CYB5R1: variants seen among roughly 807,000 people sequenced by gnomAD.
CYB5R1 encodes the protein NADH-cytochrome b5 reductase 1.
CYB5R1 carries 32 observed loss-of-function variants against 37.4 expected under a neutral mutation model. That is an observed-to-expected ratio of 0.86 (90% CI 0.65 to 1.15). The LOEUF (loss-of-function observed/expected upper bound fraction) is 1.15. Among genes scored for constraint, CYB5R1 ranks in the 50% most tolerant of loss-of-function variants. The pLI, the probability that CYB5R1 is intolerant of heterozygous loss-of-function variation, is 0.00. For missense variants in CYB5R1, 345 were observed against 382.5 expected, an observed-to-expected ratio of 0.90 and a Z score of 0.82; for synonymous variants, 159 against 155.2, an observed-to-expected ratio of 1.02 and a Z score of -0.18.
At position 202,962,024 on chromosome 1, in the gene CYB5R1, C is replaced by G. The variant is rs1315957716; in HGVS notation, c.*503G>C. The G allele has an allele frequency of 6.6e-6, 1 of 152,398 alleles. No homozygotes were observed. The highest frequency in any genetic ancestry group is 2.4e-5 in the African/African-American group (1 of 41,466). The allele number at this position is 152,398 out of a possible 1,614,324, so 9.4% of individuals were successfully genotyped here. A position where few individuals can be genotyped will look rare whatever the true frequency, so the allele number is the denominator to read the frequency against. ...CACAGAAATATGATATTTCAGACTC[C>G]TTTGAGATCTGAAGAAATCATTTCC... On this transcript the variant is annotated 3_prime_UTR_variant, in exon 9 of 9. Transcript: ENST00000367249.
At chr1:202,966,420 A>C in intron 3 of CYB5R1, 108 bp downstream of exon 3, 2 of 1,261,156 alleles carry the variant, frequency 1.6e-6, no homozygotes, top group Non-Finnish European at 2.3e-6. Context: ...GGGAAGGGGA[A>C]TGGTGTGTGG....
In CYB5R1 at chr1:202,966,905, G is replaced by T; in HGVS notation, c.16-7C>A. ...AGGCCAGCAGGACGGGGCTCTGTGG[G>T]TAGAGGAGGCAGCGTGACCGCCAGG... On this transcript the variant is annotated splice_polypyrimidine_tract_variant and splice_region_variant and intron_variant, in intron 1 of 8. Coordinates refer to ENST00000367249, the MANE Select transcript of CYB5R1 (RefSeq NM_016243.3). 6.2e-7 allele frequency: 1 copy of T among 1,601,228 alleles called. No homozygotes were observed. The highest frequency in any genetic ancestry group is 1.1e-5 in the South Asian group (1 of 89,976).
rs768976568 is a variant in CYB5R1, at chr1:202,965,407, G to A, written c.439C>T (p.Arg147Trp). Residue 147 changes from arginine to tryptophan, a missense_variant, in exon 5 of 9, where the codon CGG becomes TGG. Transcript: ENST00000367249. ...TAAGTGAGCAACCCGCTTGGCCCCC[G>A]AAACTCCACCACATCCCCAACCTTC... ...SLKVGDVVEFRGPSGLLTYTG... is the reference protein window; with the variant it reads ...SLKVGDVVEFWGPSGLLTYTG... The A allele has an allele frequency of 4.8e-5, 77 of 1,603,192 alleles. No individual in the cohort carries two copies. The highest frequency in any genetic ancestry group is 3.0e-4 in the South Asian group (27 of 89,840).
At chr1:202,965,618 C>G (rs1558020840) in intron 4 of CYB5R1, 118 bp from the exon 5 acceptor site, 3 of 1,040,386 alleles carry the variant, frequency 2.9e-6, no homozygotes, top group Non-Finnish European at 4.1e-6. Flanking sequence ...TTTTCCCCGT[C>G]TACATACTTT....
At chr1:202,963,419 A>T in intron 7 of CYB5R1, 1 of 593,906 alleles carries the variant, frequency 1.7e-6, no homozygotes, top group Non-Finnish European at 3.0e-6. Flanking sequence ...TCCAGACTAG[A>T]TACCTTAAAA....
chr1:202,967,144 A>C (rs772167743), intron 1 of CYB5R1, 47 bp downstream of exon 1: 1 of 1,600,460 alleles, frequency 6.2e-7, no homozygotes, highest in Non-Finnish European at 8.5e-7. Context: ...GGCCAGAACC[A>C]GATGGGGAGG....
intron 6 of CYB5R1, chr1:202,964,385 AG>A (rs2102503503): frequency 1.8e-6 from 1 of 565,520 alleles, no homozygotes; most frequent in East Asian, 3.0e-5. Context: ...ATTCAAAATG[AG>A]GAAAGCTCAT....
At chr1:202,964,473 T>C in intron 6 of CYB5R1, 139 bp downstream of exon 6, 1 of 741,514 alleles carries the variant, frequency 1.3e-6, no homozygotes, top group South Asian at 1.6e-5. Flanking sequence ...TTTCAGATAC[T>C]AGGGAGTTCT....
Position 202,962,536 on chromosome 1 carries a change from G to T in CYB5R1, c.909C>A (p.Phe303Leu), listed in dbSNP as rs775692680. Reference sequence around the variant, plus strand: ...GGAAGCTGGAGGATGCTCAGTAGGTGAATCGCATCTTTTGTGAGTAGCCCA... The same window carrying T: ...GGAAGCTGGAGGATGCTCAGTAGGTTAATCGCATCTTTTGTGAGTAGCCCA... ...DKLGYSQKMRFTY is the reference protein window; with the variant it reads ...DKLGYSQKMRLTY Residue 303 changes from phenylalanine (F) to leucine (L), a missense_variant, in exon 9 of 9, where the codon TTC becomes TTA. Coordinates refer to ENST00000367249, the MANE Select transcript of CYB5R1 (RefSeq NM_016243.3). 4 of 1,609,208 alleles carry T rather than the reference G, an allele frequency of 2.5e-6. No homozygotes were observed. In the East Asian group the frequency reaches 8.9e-5, roughly 36 times the overall value.
Position 202,967,018 on chromosome 1 carries a change from G to A in CYB5R1, c.16-120C>T, listed in dbSNP as rs1000826521. On this transcript the variant is annotated intron_variant, in intron 1 of 8. Coordinates refer to ENST00000367249, the MANE Select transcript of CYB5R1 (RefSeq NM_016243.3). ...GCGGAGGCATGCCAAGGGCAGAGGGGTAACCTGGCGGAGTCCCGAGCCCGG... is the reference window on the plus strand; with the variant it reads ...GCGGAGGCATGCCAAGGGCAGAGGGATAACCTGGCGGAGTCCCGAGCCCGG... 5.5e-6 allele frequency: 8 copies of A among 1,445,912 alleles called. No individual in the cohort carries two copies. The Admixed American group carries it at 8.8e-5, about 16-fold the overall frequency. The allele number at this position is 1,445,912 out of a possible 1,614,324, so 89.6% of individuals were successfully genotyped here.
rs144208791 is a variant in CYB5R1 at position 202,965,605 on chromosome 1, A to G, written c.346-105T>C. On this transcript the variant is annotated intron_variant, in intron 4 of 8. Coordinates refer to ENST00000367249, the MANE Select transcript of CYB5R1 (RefSeq NM_016243.3). Reference sequence around the variant, plus strand: ...CTGGGGCAGGGATCAGATATGTGCTATCTTTTCCCCGTCTACATACTTTCT... The same window carrying G: ...CTGGGGCAGGGATCAGATATGTGCTGTCTTTTCCCCGTCTACATACTTTCT... 4.7e-4 allele frequency: 550 copies of G among 1,174,728 alleles called. 1 individual carries two copies. The African/African-American group carries it at 8.0e-3, about 17-fold the overall frequency. 72.8% of individuals were successfully genotyped at this position (1,174,728 alleles called of 1,614,324 possible).
At position 202,965,994 on chromosome 1, in the gene CYB5R1, C is replaced by T; in HGVS notation, c.239-1G>A. 1.9e-6 allele frequency: 3 copies of T among 1,603,944 alleles called. No homozygotes were observed. Among genetic ancestry groups the T allele is most frequent in the Non-Finnish European group, 2.6e-6 (3 of 1,170,882 alleles). ...CGGGTGGAGAGGTAGATATGTTTGC[C>T]TGGGGACCGTGCAGAGAGCTACATA... On this transcript the variant is annotated splice_acceptor_variant, in intron 3 of 8. Transcript: ENST00000367249. LOFTEE classifies it high-confidence loss of function.
At position 202,965,383 on chromosome 1, in the gene CYB5R1, A is replaced by G. The variant is rs746997961; in HGVS notation, c.463T>C (p.Tyr155His). ...EFRGPSGLLTYTGKGHFNIQP... is the reference protein window; with the variant it reads ...EFRGPSGLLTHTGKGHFNIQP... ...GACAGGTCATTACCTTTTCCAGTGT[A>G]AGTGAGCAACCCGCTTGGCCCCCGA... The change falls in exon 5 of 9, where the codon TAC becomes CAC. Residue 155 changes from tyrosine (Y) to histidine (H), a missense_variant. Transcript: ENST00000367249. 6.3e-7 allele frequency: 1 copy of G among 1,595,974 alleles called. No individual in the cohort carries two copies. Among genetic ancestry groups the G allele is most frequent in the South Asian group, 1.1e-5 (1 of 88,990 alleles).
chr1:202,966,165 G>T, intron 3 of CYB5R1, 172 bp from the exon 4 acceptor site: 1 of 606,862 alleles, frequency 1.6e-6, no homozygotes. Flanking sequence ...TCTTATAAGC[G>T]CCCAGTTGAG....
In CYB5R1 at chr1:202,962,240, C is replaced by A; in HGVS notation, c.*287G>T. The A allele has an allele frequency of 2.9e-6, 1 of 343,942 alleles. No homozygotes were observed. Among genetic ancestry groups the A allele is most frequent in the Non-Finnish European group, 5.2e-6 (1 of 191,652 alleles). 21.3% of individuals were successfully genotyped at this position (343,942 alleles called of 1,614,324 possible). Reference sequence around the variant, plus strand: ...ATCAAGGAACTAGCCAATCTTGGACCAAGCGTACATGCTCCCTTCCTTCTT... The same window carrying A: ...ATCAAGGAACTAGCCAATCTTGGACAAAGCGTACATGCTCCCTTCCTTCTT... On this transcript the variant is annotated 3_prime_UTR_variant, in exon 9 of 9. Coordinates refer to ENST00000367249, the MANE Select transcript of CYB5R1 (RefSeq NM_016243.3).
rs748480367 is a variant in CYB5R1, at chr1:202,965,986, A to G, written c.246T>C (p.His82=). 1 of 1,611,946 alleles carries G rather than the reference A, an allele frequency of 6.2e-7. No homozygotes were observed. The highest frequency in any genetic ancestry group is 8.5e-7 in the Non-Finnish European group (1 of 1,178,062). ...CATCAATTCGGGTGGAGAGGTAGAT[A>G]TGTTTGCCTGGGGACCGTGCAGAGA... ...HHTLGLPVGK[H]IYLSTRIDGS... is the part of the protein sequence containing the mutation. The change falls in exon 4 of 9, where the codon CAT becomes CAC. Residue 82 remains histidine, a synonymous_variant. Coordinates refer to ENST00000367249, the MANE Select transcript of CYB5R1 (RefSeq NM_016243.3).
At chr1:202,965,802 C>T in intron 4 of CYB5R1, 85 bp downstream of exon 4, 1 of 993,566 alleles carries the variant, frequency 1.0e-6, no homozygotes, top group Non-Finnish European at 1.6e-6. Flanking sequence ...CATACCATTT[C>T]CTGCTGTCAG....
In CYB5R1 at chr1:202,963,126, G is replaced by A. The variant is rs940375660; in HGVS notation, c.685C>T (p.Leu229=). 2.5e-6 allele frequency: 4 copies of A among 1,614,072 alleles called. No homozygotes were observed. The African/African-American group carries it at 5.3e-5, about 22-fold the overall frequency. Residue 229 remains leucine (L), a synonymous_variant, in exon 8 of 9, where the codon CTG becomes TTG. Transcript: ENST00000367249. The stretch of plus-strand genomic sequence containing the variant: ...AAGCGATTGGGATAGCGGGCCTGCA[G>A]TTCCTCTAAGTCCTCCCGCAAGATG... ...DIILREDLEE[L]QARYPNRFKL... is the part of the protein sequence containing the mutation.
At chr1:202,966,191 A>G (rs1170327364) in intron 3 of CYB5R1, 198 bp from the exon 4 acceptor site, 1 of 597,958 alleles carries the variant, frequency 1.7e-6, no homozygotes, top group Non-Finnish European at 3.0e-6. Context: ...ACTTATTTCC[A>G]GCGTTTCCTG....
Sources: allele counts gnomAD v4.1 joint callset, GRCh38; gene constraint gnomAD v4.1.1; transcripts MANE v1.5; gene names NCBI Gene and HGNC (gene_info 2026-07-23, HGNC 2026-07-21).